Variants in ROR1 observed in about 807,000 individuals in gnomAD.
ROR1 encodes ROR family WNT receptor 1.
Under a neutral mutation model 78.8 loss-of-function variants are expected in ROR1, and 19 were observed. The ratio of observed to expected loss-of-function variants is 0.24; its 90% CI spans 0.17 to 0.35. The LOEUF is 0.35. Among genes scored for constraint, ROR1 ranks in the 10% least tolerant of loss-of-function variants. The pLI, the probability that ROR1 is intolerant of heterozygous loss-of-function variation, is 1.00. For missense variants in ROR1, 917 were observed against 1,177.8 expected, an observed-to-expected ratio of 0.78 and a Z score of 3.24; for synonymous variants, 386 against 433.6, an observed-to-expected ratio of 0.89 and a Z score of 1.36.
At chr1:64,101,497 A>G (rs1647541067) in intron 4 of ROR1, among the ~76,000 whole-genome samples, 1 of 152,102 alleles carries the variant, frequency 6.6e-6, no homozygotes, top group African/African-American at 2.4e-5. Context: ...CTCCTGACGA[A>G]GAAGGGCCCT....
intron 8 of ROR1, among the ~76,000 whole-genome samples, chr1:64,165,314 T>A: frequency 6.6e-6 from 1 of 152,200 alleles, no homozygotes; most frequent in East Asian, 1.9e-4. Context: ...CTCATTGTGG[T>A]TTTGATTTGC....
chr1:64,041,444 A>G (rs1245135913), intron 2 of ROR1, among the ~76,000 whole-genome samples: 1 of 152,206 alleles, frequency 6.6e-6, no homozygotes, highest in Non-Finnish European at 1.5e-5. Context: ...AAAAAGACCT[A>G]TTCATTAAAA....
In ROR1 at chr1:63,774,731, C is replaced by T. The variant is rs908298149; in HGVS notation, c.91+223C>T. ...GCCCCGCGGCGGGCCGGGGCGCGCC[C>T]AGGGACTCGTTCCTCGGTGCGCAGC... is the stretch of plus-strand genomic sequence containing the variant. On this transcript the variant is annotated intron_variant, in intron 1 of 8. Transcript: ENST00000371079. This position sits in a 1 kb window ranked among gnomAD's most constrained non-coding sequence, Gnocchi z 5.7. Among the ~76,000 whole-genome samples the T allele has an allele frequency of 2.6e-5, 4 of 151,612 alleles. No individual in the cohort carries two copies. Among genetic ancestry groups the T allele is most frequent in the African/African-American group, 9.7e-5 (4 of 41,336 alleles).
chr1:63,953,684 G>C (rs1645959350), intron 1 of ROR1, among the ~76,000 whole-genome samples: 1 of 152,194 alleles, frequency 6.6e-6, no homozygotes, highest in African/African-American at 2.4e-5. Context: ...AGTAGATGGA[G>C]AGTACTGTAG....
chr1:63,825,021 A>G (rs1569775805), intron 1 of ROR1, among the ~76,000 whole-genome samples: 1 of 152,182 alleles, frequency 6.6e-6, no homozygotes. Flanking sequence ...TAAAAAAACA[A>G]CTAACAATAC....
chr1:64,160,509 T>C (rs988587417), intron 8 of ROR1, among the ~76,000 whole-genome samples: 2 of 151,916 alleles, frequency 1.3e-5, no homozygotes, highest in Non-Finnish European at 2.9e-5. Flanking sequence ...CTGAAGACCA[T>C]AGAGTTCACA....
chr1:64,031,753 C>T (rs183030531), intron 2 of ROR1, among the ~76,000 whole-genome samples: 7 of 152,266 alleles, frequency 4.6e-5, no homozygotes, highest in African/African-American at 1.4e-4. Context: ...AAAATGATCA[C>T]GTATTTCTGT....
At chr1:63,987,008 A>G (rs1467385791) in intron 1 of ROR1, among the ~76,000 whole-genome samples, 1 of 152,130 alleles carries the variant, frequency 6.6e-6, no homozygotes, top group African/African-American at 2.4e-5. Context: ...AATGACATGT[A>G]ATTTTCAACT....
At chr1:64,121,470 C>T (rs946066028) in intron 4 of ROR1, among the ~76,000 whole-genome samples, 3 of 152,138 alleles carry the variant, frequency 2.0e-5, no homozygotes, top group Non-Finnish European at 4.4e-5. Context: ...ACCACTGTCC[C>T]TCCCCCGGAA....
chr1:64,102,226 A>G (rs1359125259), intron 4 of ROR1, among the ~76,000 whole-genome samples: 1 of 152,174 alleles, frequency 6.6e-6, no homozygotes, highest in African/African-American at 2.4e-5. Context: ...CAGCACCACA[A>G]GAAGGAGCGT....
intron 5 of ROR1, among the ~76,000 whole-genome samples, chr1:64,138,895 G>A (rs1391396698): frequency 6.6e-6 from 1 of 152,042 alleles, no homozygotes; most frequent in African/African-American, 2.4e-5. Flanking sequence ...AGGCACAGTG[G>A]CTCACTCCTG....
intron 1 of ROR1, among the ~76,000 whole-genome samples, chr1:63,853,057 C>T (rs1192360220): frequency 6.6e-6 from 1 of 152,140 alleles, no homozygotes; most frequent in Non-Finnish European, 1.5e-5. Flanking sequence ...TTATCAGTAC[C>T]TGGCATAAAT....
intron 1 of ROR1, among the ~76,000 whole-genome samples, chr1:63,878,143 T>C (rs185558628): frequency 1.3e-5 from 2 of 152,284 alleles, no homozygotes; most frequent in East Asian, 1.9e-4. Context: ...TGGTGTGGCC[T>C]TGGGGACTCC....
chr1:63,793,460 A>G (rs909751528), intron 1 of ROR1, among the ~76,000 whole-genome samples: 4 of 152,364 alleles, frequency 2.6e-5, no homozygotes, highest in South Asian at 2.1e-4. Flanking sequence ...TACGCATTCT[A>G]TGAATGTACC....
At chr1:64,061,621 G>T (rs2100605880) in intron 4 of ROR1, among the ~76,000 whole-genome samples, 1 of 152,284 alleles carries the variant, frequency 6.6e-6, no homozygotes, top group Non-Finnish European at 1.5e-5. Context: ...TGCTGGTGCT[G>T]CTGGTTCACA....
intron 7 of ROR1, among the ~76,000 whole-genome samples, chr1:64,144,908 A>G (rs995200055): frequency 1.4e-4 from 21 of 152,316 alleles, no homozygotes; most frequent in African/African-American, 4.6e-4. Flanking sequence ...CAGGTCTTCA[A>G]TGAAATAGCT....
intron 1 of ROR1, among the ~76,000 whole-genome samples, chr1:63,984,811 G>C (rs1460279377): frequency 6.6e-6 from 1 of 152,102 alleles, no homozygotes; most frequent in East Asian, 1.9e-4. Flanking sequence ...AAGTCTCTTT[G>C]GTTTCCATAG....
In ROR1 at chr1:63,846,471, GAAGATTTCCGTGTTGGC is replaced by G. The variant is rs562476568; in HGVS notation, c.91+71967_91+71983del. 4.8e-3 allele frequency among the ~76,000 whole-genome samples: 727 copies of G among 152,200 alleles called. 8 individuals carry two copies. Among genetic ancestry groups the G allele is most frequent in the African/African-American group, 7.6e-3 (316 of 41,540 alleles). ...GCCATGAATCATCTTGTCTTTGTTT[GAAGATTTCCGTGTTGGC>G]AAGTGGGCAGATAGATGTAGGTTTC... is the stretch of plus-strand genomic sequence containing the variant. On this transcript the variant is annotated intron_variant, in intron 1 of 8. Coordinates refer to ENST00000371079, the MANE Select transcript of ROR1 (RefSeq NM_005012.4).
intron 7 of ROR1, chr1:64,143,274 C>A: frequency 1.0e-6 from 1 of 976,998 alleles, no homozygotes; most frequent in Non-Finnish European, 1.2e-6. Flanking sequence ...AATCCCAACA[C>A]TCTAGGAAGG....
Sources: gnomAD v4.1 joint callset for allele counts (sites outside exome capture counted in the v4.1 genomes callset) on GRCh38, gnomAD v4.1.1 for gene constraint, Gnocchi (gnomAD v3.1) non-coding constraint, MANE v1.5 for transcripts, NCBI Gene and HGNC (gene_info 2026-07-23, HGNC 2026-07-21) for gene names.